SYNE1: variants seen among roughly 807,000 people sequenced by gnomAD.
SYNE1 encodes the protein nesprin-1.
SYNE1 carries 616 observed loss-of-function variants against 1,111.0 expected under a neutral mutation model. That is an observed-to-expected ratio of 0.55 (90% CI 0.52 to 0.59). The LOEUF (loss-of-function observed/expected upper bound fraction) is 0.59. Ranked by LOEUF, SYNE1 falls within the 20% of genes least tolerant of loss-of-function variation. The pLI, the probability that SYNE1 is intolerant of heterozygous loss-of-function variation, is 0.00. For synonymous variants in SYNE1, 3,855 were observed against 3,825.8 expected, an observed-to-expected ratio of 1.01 and a Z score of -0.28; for missense variants, 10,006 against 10,417.0, an observed-to-expected ratio of 0.96 and a Z score of 1.72.
chr6:152,556,191 G>A (rs1249338863), intron 3 of SYNE1, among the ~76,000 whole-genome samples: 1 of 152,158 alleles, frequency 6.6e-6, no homozygotes, highest in Non-Finnish European at 1.5e-5. Context: ...ATATCTGCCT[G>A]AGAGCTAAGG....
chr6:152,390,155 C>G, intron 53 of SYNE1, 125 bp downstream of exon 53: 1 of 994,758 alleles, frequency 1.0e-6, no homozygotes, highest in South Asian at 1.4e-5. Context: ...TAGACAAAGA[C>G]AGGCATGCCT....
At chr6:152,618,165 A>G (rs754636531) in intron 3 of SYNE1, among the ~76,000 whole-genome samples, 1 of 152,178 alleles carries the variant, frequency 6.6e-6, no homozygotes, top group Non-Finnish European at 1.5e-5. Flanking sequence ...GTATTGTAAG[A>G]ATTCCACTTT....
At chr6:152,218,892 T>G in intron 120 of SYNE1, 111 bp downstream of exon 120, 1 of 1,153,634 alleles carries the variant, frequency 8.7e-7, no homozygotes, top group Non-Finnish European at 1.3e-6. Flanking sequence ...GCTATTTTCT[T>G]GAGTCTTGAA....
chr6:152,343,198 G>A (rs1018426399), intron 74 of SYNE1, among the ~76,000 whole-genome samples: 9 of 149,548 alleles, frequency 6.0e-5, no homozygotes, highest in African/African-American at 9.9e-5. Context: ...TGGTGCCCAG[G>A]CTGGAGTGCA....
chr6:152,546,841 T>C (rs566962397), intron 3 of SYNE1: 2 of 152,204 alleles, frequency 1.3e-5, no homozygotes, highest in Non-Finnish European at 2.9e-5. Flanking sequence ...TGCTGCATCA[T>C]AATGACATTT....
chr6:152,604,117 C>T (rs2099604718), intron 3 of SYNE1, among the ~76,000 whole-genome samples: 1 of 150,244 alleles, frequency 6.7e-6, no homozygotes, highest in African/African-American at 2.5e-5. Context: ...ATAAATTTTC[C>T]ATTACTATGG....
At chr6:152,131,975 TG>T (rs1358083056) in intron 144 of SYNE1, 146 bp downstream of exon 144, 4 of 661,402 alleles carry the variant, frequency 6.0e-6, no homozygotes, top group Non-Finnish European at 1.1e-5. Context: ...GGAGGGGATG[TG>T]GCAGGGCTGA....
At chr6:152,300,848 A>AGGCACAGGCCTGTTT in intron 92 of SYNE1, 67 bp from the exon 93 acceptor site, 1 of 1,610,534 alleles carries the variant, frequency 6.2e-7, no homozygotes, top group Non-Finnish European at 8.5e-7. Flanking sequence ...AGTCCTGTTC[A>AGGCACAGGCCTGTTT]GGCACAGGCC....
At chr6:152,455,244 C>A (rs565207027) in intron 24 of SYNE1, among the ~76,000 whole-genome samples, 182 bp downstream of exon 24, 86 of 152,188 alleles carry the variant, frequency 5.7e-4, no homozygotes, top group Non-Finnish European at 1.1e-3. Flanking sequence ...GTCAGCTCAC[C>A]AACTCTCTTG....
chr6:152,385,721 T>C lies in SYNE1; in HGVS notation c.8605A>G (p.Met2869Val), dbSNP rs2097516951. The C allele has an allele frequency of 1.2e-6, 2 of 1,614,012 alleles. No individual in the cohort carries two copies. Among genetic ancestry groups the C allele is most frequent in the South Asian group, 1.1e-5 (1 of 91,090 alleles). Residue 2869 changes from methionine (M) to valine (V), a missense_variant, in exon 55 of 146, where the codon ATG becomes GTG. Around this residue, in one of 7 missense-constraint regions of SYNE1, gnomAD observed 4,955 missense variants for 5,017.2 expected, o/e 0.99. Transcript: ENST00000367255. ...TGGGTGGCTGATGAATCTCCAGACA[T>C]ATCTGACCACCGGTGAAGTTCTTCC... ...AKEELHRWSD[M>V]SGDSSATQKK...
intron 18 of SYNE1, among the ~76,000 whole-genome samples, 200 bp from the exon 19 acceptor site, chr6:152,463,717 A>G (rs2098747679): frequency 6.6e-6 from 1 of 152,218 alleles, no homozygotes; most frequent in Non-Finnish European, 1.5e-5. Context: ...TTTTATAAGA[A>G]CAATTGTGCC....
chr6:152,550,382 A>G lies in SYNE1; in HGVS notation c.68-10361T>C, dbSNP rs1167857423. On this transcript the variant is annotated intron_variant, in intron 3 of 145. Coordinates refer to ENST00000367255, the MANE Select transcript of SYNE1 (RefSeq NM_182961.4). The stretch of plus-strand genomic sequence containing the variant: ...TATATAAAGCAAAATCTATTTTTTA[A>G]AAAACAAATATTTTAAAAATATTAC... Among the ~76,000 whole-genome samples the G allele has an allele frequency of 1.1e-4, 16 of 152,158 alleles. 1 individual carries two copies. Among genetic ancestry groups the G allele is most frequent in the Non-Finnish European group, 4.4e-5 (3 of 68,042 alleles).
intron 145 of SYNE1, chr6:152,127,279 T>A (rs2053802703): frequency 6.6e-6 from 1 of 152,200 alleles, no homozygotes; most frequent in African/African-American, 2.4e-5. Flanking sequence ...CCTACATCTT[T>A]ACACCTCTAA....
At chr6:152,561,896 C>T (rs2099396396) in intron 3 of SYNE1, among the ~76,000 whole-genome samples, 1 of 152,168 alleles carries the variant, frequency 6.6e-6, no homozygotes, top group South Asian at 2.1e-4. Flanking sequence ...TTACAACATA[C>T]ACACAAATCA....
chr6:152,229,712 C>T (rs1359324), intron 115 of SYNE1, among the ~76,000 whole-genome samples: 97,428 of 151,854 alleles, frequency 0.64, 31,666 homozygotes, highest in East Asian at 0.78. Context: ...CCATCAACAG[C>T]TTCTGCGACA....
At chr6:152,382,660 G>GA (rs773667840) in intron 55 of SYNE1, among the ~76,000 whole-genome samples, 1 of 152,014 alleles carries the variant, frequency 6.6e-6, no homozygotes, top group Non-Finnish European at 1.5e-5. Flanking sequence ...ATTTGATGAA[G>GA]AAAAAAATCT....
chr6:152,396,646 G>T, intron 50 of SYNE1, 129 bp downstream of exon 50: 2 of 953,288 alleles, frequency 2.1e-6, no homozygotes, highest in Admixed American at 2.0e-5. Flanking sequence ...CTGTATTTAT[G>T]ATCAAAGCTT....
chr6:152,273,184 A>G (rs1020087605), intron 98 of SYNE1, among the ~76,000 whole-genome samples: 3 of 152,330 alleles, frequency 2.0e-5, no homozygotes, highest in Admixed American at 2.0e-4. Flanking sequence ...GACTCAGTTT[A>G]AAGAATTCCC....
chr6:152,331,223 C>A lies in SYNE1; in HGVS notation c.13462G>T (p.Asp4488Tyr). ...FREHICLLPD[D>Y]VSKQVKTCKS... ...CATGTTTTGACTTGTTTGCTCACAT[C>A]ATCTGGTAACAGACAGATGTGTTCA... The change falls in exon 78 of 146, where the codon GAT (aspartate) becomes TAT (tyrosine). Residue 4488 changes from aspartate (D) to tyrosine (Y), a missense_variant. Around this residue, in one of 7 missense-constraint regions of SYNE1, gnomAD observed 4,955 missense variants for 5,017.2 expected, o/e 0.99. Coordinates refer to ENST00000367255, the MANE Select transcript of SYNE1 (RefSeq NM_182961.4). The A allele has an allele frequency of 6.2e-7, 1 of 1,614,058 alleles. No homozygotes were observed. Among genetic ancestry groups the A allele is most frequent in the Non-Finnish European group, 8.5e-7 (1 of 1,180,046 alleles).
Sources: allele counts gnomAD v4.1 joint callset (sites outside exome capture counted in the v4.1 genomes callset), GRCh38; gene constraint gnomAD v4.1.1; regional missense constraint gnomAD v4.1.1; transcripts MANE v1.5; gene names NCBI Gene and HGNC (gene_info 2026-07-23, HGNC 2026-07-21).